Variants in MICAL2 observed in about 807,000 individuals in gnomAD.
MICAL2 encodes [F-actin]-monooxygenase MICAL2.
In MICAL2, 77 loss-of-function variants were observed where a neutral mutation model predicts 127.3. That is an observed-to-expected ratio of 0.60 (90% confidence interval 0.50 to 0.73). MICAL2 has a LOEUF of 0.73. Ranked by LOEUF, MICAL2 falls within the 30% of genes least tolerant of loss-of-function variation. The pLI is 0.00. For missense variants in MICAL2, 1,351 were observed against 1,434.4 expected (o/e 0.94, Z 0.94); for synonymous variants, 570 against 551.1 (o/e 1.03, Z -0.48).
chr11:12,215,383 A>G (rs1384054697), intron 7 of MICAL2, among the ~76,000 whole-genome samples: 1 of 152,184 alleles, frequency 6.6e-6, no homozygotes, highest in African/African-American at 2.4e-5. Context: ...AAATGCTGAT[A>G]TGTCGCCATG....
chr11:12,278,398 A>T (rs1191327030), intron 1 of MICAL2, among the ~76,000 whole-genome samples: 1 of 152,172 alleles, frequency 6.6e-6, no homozygotes, highest in Non-Finnish European at 1.5e-5. Flanking sequence ...CATCACTGCA[A>T]ACACGTGAGT....
chr11:12,339,760 G>A (rs150101356), intron 32 of MICAL2, among the ~76,000 whole-genome samples: 4,523 of 152,140 alleles, frequency 0.03, 160 homozygotes, highest in Admixed American at 0.1. Context: ...GCAGAACAGC[G>A]GATATTGGTG....
At chr11:12,268,740 A>C (rs532661676), downstream of MICAL2, among the ~76,000 whole-genome samples, 22 of 152,228 alleles carry the variant, frequency 1.4e-4, no homozygotes, top group African/African-American at 4.1e-4. Flanking sequence ...CGTGTAATCC[A>C]AGCACTTTGG....
chr11:12,255,864 G>C, intron 23 of MICAL2, 114 bp downstream of exon 23: 4 of 743,916 alleles, frequency 5.4e-6, no homozygotes, highest in Non-Finnish European at 4.5e-6. Flanking sequence ...TCTTCTCTTG[G>C]AACAAGAGGG....
intron 32 of MICAL2, among the ~76,000 whole-genome samples, chr11:12,342,941 G>T (rs905983264): frequency 2.0e-5 from 3 of 152,178 alleles, no homozygotes; most frequent in African/African-American, 7.2e-5. Context: ...GGGAGCTGAT[G>T]GAAATCGTAG....
At chr11:12,333,557 C>T (rs1938688496) in intron 32 of MICAL2, among the ~76,000 whole-genome samples, 1 of 152,010 alleles carries the variant, frequency 6.6e-6, no homozygotes, top group African/African-American at 2.4e-5. Context: ...CAGAGAAAGG[C>T]AAGAGGTTTG....
At chr11:12,202,146 T>A (rs1371298769) in intron 3 of MICAL2, among the ~76,000 whole-genome samples, 1 of 152,120 alleles carries the variant, frequency 6.6e-6, no homozygotes, top group Admixed American at 6.5e-5. Context: ...ACTTTTACCA[T>A]TTGGCTGCAG....
intron 1 of MICAL2, among the ~76,000 whole-genome samples, chr11:12,280,208 G>C (rs1396613286): frequency 3.3e-5 from 5 of 152,092 alleles, no homozygotes; most frequent in East Asian, 1.9e-4. Context: ...ATGGGGAAGA[G>C]AGCAGTATTT....
At chr11:12,192,713 G>A (rs112964344) in intron 3 of MICAL2, among the ~76,000 whole-genome samples, 2,111 of 152,238 alleles carry the variant, frequency 0.014, 59 homozygotes, top group African/African-American at 0.046. Context: ...AGGAGGCGGA[G>A]GTTCCAGTGA....
chr11:12,215,375 A>G (rs1358212374), intron 7 of MICAL2, among the ~76,000 whole-genome samples: 1 of 152,206 alleles, frequency 6.6e-6, no homozygotes. Flanking sequence ...CCTTGTGTAA[A>G]TGCTGATATG....
intron 32 of MICAL2, chr11:12,349,693 C>G (rs1041629683): frequency 1.5e-6 from 1 of 667,362 alleles, no homozygotes. Flanking sequence ...TACCCATAAC[C>G]TGGAGGCACC....
intron 33 of MICAL2, among the ~76,000 whole-genome samples, chr11:12,351,561 A>G (rs970382443): frequency 6.6e-6 from 1 of 152,212 alleles, no homozygotes; most frequent in Non-Finnish European, 1.5e-5. Context: ...CTTATTGAGA[A>G]CACATGTTTG....
upstream of MICAL2, among the ~76,000 whole-genome samples, chr11:12,273,056 A>G (rs1209044737): frequency 1.3e-5 from 2 of 152,194 alleles, no homozygotes; most frequent in African/African-American, 2.4e-5. Context: ...AACTGGGGGC[A>G]CTTTCCAGCC....
At chr11:12,294,492 A>G, downstream of MICAL2, 1 of 1,614,162 alleles carries the variant, frequency 6.2e-7, no homozygotes, top group Non-Finnish European at 8.5e-7. Context: ...CGGCCATCCA[A>G]GGTCTTTCCT....
intron 2 of MICAL2, among the ~76,000 whole-genome samples, chr11:12,139,871 T>C (rs1852181189): frequency 6.6e-6 from 1 of 152,200 alleles, no homozygotes; most frequent in South Asian, 2.1e-4. Flanking sequence ...GAATTTTTGT[T>C]TTGTTCTGTT....
intron 3 of MICAL2, among the ~76,000 whole-genome samples, chr11:12,190,379 G>A (rs1565129257): frequency 6.6e-6 from 1 of 152,164 alleles, no homozygotes; most frequent in Non-Finnish European, 1.5e-5. Context: ...GGATCAAGGT[G>A]CAGTTGACTA....
chr11:12,351,389 G>A (rs550530684), intron 33 of MICAL2, among the ~76,000 whole-genome samples: 8 of 152,200 alleles, frequency 5.3e-5, no homozygotes, highest in African/African-American at 1.7e-4. Context: ...TCACATCTAG[G>A]GGCAGGGGTG....
At chr11:12,350,784 C>G (rs1319138076) in intron 33 of MICAL2, among the ~76,000 whole-genome samples, 1 of 152,166 alleles carries the variant, frequency 6.6e-6, no homozygotes, top group Non-Finnish European at 1.5e-5. Flanking sequence ...TTATTCGTTT[C>G]CTAGGCTGCA....
At chr11:12,244,204 G>C (rs1214266524) in intron 21 of MICAL2, 92 bp downstream of exon 21, 1 of 1,528,502 alleles carries the variant, frequency 6.5e-7, no homozygotes, top group East Asian at 2.3e-5. Flanking sequence ...TCTTGAGCCT[G>C]GCTTGGCTGG....
Sources: allele counts gnomAD v4.1 joint callset (sites outside exome capture counted in the v4.1 genomes callset), GRCh38; gene constraint gnomAD v4.1.1; transcripts MANE v1.5; gene names NCBI Gene and HGNC (gene_info 2026-07-23, HGNC 2026-07-21).